PNLDC1: variants seen among roughly 807,000 people sequenced by gnomAD.
PNLDC1 encodes the protein poly(A)-specific ribonuclease PNLDC1.
PNLDC1 carries 70 observed loss-of-function variants against 82.0 expected under a neutral mutation model. The observed-to-expected ratio is 0.85, with a 90% CI of 0.70 to 1.04. The LOEUF is 1.04. Among genes scored for constraint, PNLDC1 ranks in the 50% least tolerant of loss-of-function variants. The pLI is 0.00. For synonymous variants in PNLDC1, 280 were observed against 249.3 expected, an observed-to-expected ratio of 1.12 and a Z score of -1.16; for missense variants, 631 against 661.1, an observed-to-expected ratio of 0.95 and a Z score of 0.50.
chr6:159,813,727 G>T, intron 12 of PNLDC1, 71 bp downstream of exon 12: 1 of 1,374,914 alleles, frequency 7.3e-7, no homozygotes, highest in South Asian at 1.2e-5. Context: ...GCAGGCCTTT[G>T]GGCTCTCTAG....
At chr6:159,807,591 TA>T (rs1233047378) in intron 7 of PNLDC1, among the ~76,000 whole-genome samples, 1 of 152,338 alleles carries the variant, frequency 6.6e-6, no homozygotes, top group East Asian at 1.9e-4. Context: ...TATTGTGTAA[TA>T]AAATGTGCAA....
intron 12 of PNLDC1, among the ~76,000 whole-genome samples, chr6:159,815,134 T>C (rs1272370862): frequency 3.3e-5 from 5 of 152,346 alleles, no homozygotes; most frequent in African/African-American, 1.2e-4. Context: ...TGCTCACATC[T>C]GTTGAGTCAA....
chr6:159,813,400 G>A (rs1001778930), intron 11 of PNLDC1, among the ~76,000 whole-genome samples: 5 of 152,082 alleles, frequency 3.3e-5, no homozygotes, highest in Non-Finnish European at 5.9e-5. Flanking sequence ...GTTTTTGAGA[G>A]TCCTTCTAGG....
Position 159,809,131 on chromosome 6 carries a change from T to C in PNLDC1, c.756T>C (p.Phe252=), listed in dbSNP as rs757326741. 6 of 1,614,038 alleles carry C rather than the reference T, an allele frequency of 3.7e-6. No individual in the cohort carries two copies. In the African/African-American group the frequency reaches 8.0e-5, roughly 22 times the overall value. The part of the protein sequence containing the change: ...ILLSARGFSV[F]FQMLVKAQKP... ...TCTCAGCAAGGGGTTTTTCTGTCTTTTTCCAAATGCTGGTGAAAGCCCAGA... is the reference window on the plus strand; with the variant it reads ...TCTCAGCAAGGGGTTTTTCTGTCTTCTTCCAAATGCTGGTGAAAGCCCAGA... The change falls in exon 9 of 19, where the codon TTT becomes TTC. Residue 252 remains phenylalanine (F), a synonymous_variant. Coordinates refer to ENST00000392167, the MANE Select transcript of PNLDC1 (RefSeq NM_001271862.2).
chr6:159,801,644 T>C (rs1357063707), intron 3 of PNLDC1, among the ~76,000 whole-genome samples: 8 of 152,040 alleles, frequency 5.3e-5, no homozygotes, highest in African/African-American at 1.9e-4. Flanking sequence ...TGGGTTTTCG[T>C]CATGTTGGCC....
upstream of PNLDC1, among the ~76,000 whole-genome samples, chr6:159,799,750 A>G (rs2115017707): frequency 6.6e-6 from 1 of 152,270 alleles, no homozygotes; most frequent in South Asian, 2.1e-4. Context: ...GAGGCTTTGC[A>G]AAGTTTGATT....
chr6:159,815,999 A>G lies in PNLDC1; in HGVS notation c.1026A>G (p.Pro342=). 1 of 1,613,626 alleles carries G rather than the reference A, an allele frequency of 6.2e-7. No individual in the cohort carries two copies. Among genetic ancestry groups the G allele is most frequent in the Non-Finnish European group, 8.5e-7 (1 of 1,179,856 alleles). ...TGAATCCCACCAAGAATTCTGGACC[A>G]GAGATTGTTCACGCGAGCAGGTGTG... is the stretch of plus-strand genomic sequence containing the variant. ...SDLNPTKNSG[P]EIVHASRCEK... Residue 342 remains proline (P), a synonymous_variant, in exon 13 of 19, where the codon CCA becomes CCG. Transcript: ENST00000392167.
chr6:159,816,122 A>ACCCCTCCCCACCCCCCCGCCACC (rs1781809047), intron 13 of PNLDC1, 89 bp downstream of exon 13: 3 of 526,728 alleles, frequency 5.7e-6, no homozygotes, highest in African/African-American at 6.7e-5. Flanking sequence ...GTTCCCCCAC[A>ACCCCTCCCCACCCCCCCGCCACC]CCCCTCCCCA....
At chr6:159,820,392 T>C (rs1781999608) in intron 18 of PNLDC1, 62 bp from the exon 19 acceptor site, 1 of 1,520,902 alleles carries the variant, frequency 6.6e-7, no homozygotes, top group Non-Finnish European at 9.1e-7. Context: ...GGGGCAAGCC[T>C]GTGTCGGTGC....
At chr6:159,818,682 C>T (rs777484400) in intron 16 of PNLDC1, 28 bp downstream of exon 16, 4 of 1,589,438 alleles carry the variant, frequency 2.5e-6, no homozygotes, top group South Asian at 2.2e-5. Context: ...GGCCCCCTCG[C>T]CCCATTCAGA....
chr6:159,800,250 TGGGCAGCACG>T (rs1781184417), upstream of PNLDC1: 35 of 785,484 alleles, frequency 4.5e-5, no homozygotes, highest in Non-Finnish European at 5.7e-5. Flanking sequence ...CGGAAGCGCG[TGGGCAGCACG>T]TGGGCAGCAC....
At chr6:159,810,216 G>T in intron 10 of PNLDC1, 121 bp downstream of exon 10, 2 of 848,742 alleles carry the variant, frequency 2.4e-6, no homozygotes, top group Non-Finnish European at 3.8e-6. Context: ...AGTGTCTGCA[G>T]GTTTCTGGAG....
In PNLDC1 at chr6:159,800,849, C is replaced by T. The variant is rs773659827; in HGVS notation, c.134+20C>T. The T allele has an allele frequency of 4.3e-6, 7 of 1,613,854 alleles. No individual in the cohort carries two copies. Among genetic ancestry groups the T allele is most frequent in the Non-Finnish European group, 5.9e-6 (7 of 1,179,900 alleles). On this transcript the variant is annotated intron_variant, in intron 2 of 18. Coordinates refer to ENST00000392167, the MANE Select transcript of PNLDC1 (RefSeq NM_001271862.2). ...GATCAGGTAAAACTAAAGCTGTGTCCCCTCTGTATAAGAGCCTGGCCAGAC... is the reference window on the plus strand; with the variant it reads ...GATCAGGTAAAACTAAAGCTGTGTCTCCTCTGTATAAGAGCCTGGCCAGAC...
At chr6:159,804,507 C>T in intron 5 of PNLDC1, 42 bp from the exon 6 acceptor site, 1 of 1,376,234 alleles carries the variant, frequency 7.3e-7, no homozygotes, top group Non-Finnish European at 1.0e-6. Context: ...ATCCCTCTGA[C>T]TTGTCTCCTT....
chr6:159,805,953 AC>A, intron 6 of PNLDC1, 29 bp from the exon 7 acceptor site: 1 of 1,545,832 alleles, frequency 6.5e-7, no homozygotes, highest in Non-Finnish European at 8.9e-7. Flanking sequence ...TTTTTCTCTG[AC>A]ATGTTCACTT....
rs760984384 is a variant in PNLDC1, at chr6:159,806,115, G to A, written c.562+32G>A. 12 of 1,539,896 alleles carry A rather than the reference G, an allele frequency of 7.8e-6. No individual in the cohort carries two copies. The South Asian group carries it at 1.3e-4, about 17-fold the overall frequency. On this transcript the variant is annotated intron_variant, in intron 7 of 18. Coordinates refer to ENST00000392167, the MANE Select transcript of PNLDC1 (RefSeq NM_001271862.2). Reference sequence around the variant, plus strand: ...AGGGCCTGTTCCTCCCAACGCAGGAGCATTGGGACAGGTCACTGTCACCTG... The same window carrying A: ...AGGGCCTGTTCCTCCCAACGCAGGAACATTGGGACAGGTCACTGTCACCTG...
At chr6:159,807,950 G>C (rs2115037230) in intron 7 of PNLDC1, among the ~76,000 whole-genome samples, 1 of 145,092 alleles carries the variant, frequency 6.9e-6, no homozygotes, top group South Asian at 2.2e-4. Flanking sequence ...GTCTTACTCT[G>C]TTGCCCAAGC....
chr6:159,810,669 G>T (rs377197394), intron 10 of PNLDC1, among the ~76,000 whole-genome samples: 58 of 152,238 alleles, frequency 3.8e-4, no homozygotes, highest in African/African-American at 9.9e-4. Context: ...CACTCACTAC[G>T]TGCGTAGTCT....
rs946089664 is a variant in PNLDC1 at position 159,819,140 on chromosome 6, G to C, written c.1433+19G>C. ...TTAAGGAGTAGGTGCCTCTAAGTCC[G>C]CGTCCCCCACCCCTCGTGCGTTCAT... On this transcript the variant is annotated intron_variant, in intron 17 of 18. Transcript: ENST00000392167. The surrounding 1 kb of genome is among the most constrained non-coding windows in gnomAD (Gnocchi z 4.6). 1 of 1,612,556 alleles carries C rather than the reference G, an allele frequency of 6.2e-7. No homozygotes were observed. The highest frequency in any genetic ancestry group is 8.5e-7 in the Non-Finnish European group (1 of 1,179,038).
Sources: allele counts gnomAD v4.1 joint callset (sites outside exome capture counted in the v4.1 genomes callset), GRCh38; gene constraint gnomAD v4.1.1; non-coding constraint Gnocchi (gnomAD v3.1); transcripts MANE v1.5; gene names NCBI Gene and HGNC (gene_info 2026-07-23, HGNC 2026-07-21).